PBRM1: variants seen among roughly 807,000 people sequenced by gnomAD.
PBRM1 encodes the protein protein polybromo-1.
PBRM1 carries 27 observed loss-of-function variants against 194.5 expected under a neutral mutation model. The ratio of observed to expected loss-of-function variants is 0.14; its 90% CI spans 0.10 to 0.19. PBRM1 has a LOEUF of 0.19. Ranked by LOEUF, PBRM1 falls within the 10% of genes least tolerant of loss-of-function variation. The pLI, the probability that PBRM1 is intolerant of heterozygous loss-of-function variation, is 1.00. For missense variants in PBRM1, 1,466 were observed against 2,077.2 expected (o/e 0.71, Z 5.72); for synonymous variants, 655 against 693.2 (o/e 0.94, Z 0.87).
chr3:52,662,148 G>A (rs1030702306), exon 4 of PBRM1: 1 of 1,613,984 alleles, frequency 6.2e-7, no homozygotes, highest in African/African-American at 1.3e-5. Flanking sequence ...CAGTCACTGT[G>A]CCCTGATTGT....
intron 6 of PBRM1, among the ~76,000 whole-genome samples, chr3:52,649,791 G>A (rs1577564075): frequency 6.6e-6 from 1 of 152,156 alleles, no homozygotes; most frequent in Non-Finnish European, 1.5e-5. Context: ...TTTTTCATCA[G>A]AGAGGTAAAA....
chr3:52,684,800 T>C (rs553264137), intron 1 of PBRM1: 6 of 152,346 alleles, frequency 3.9e-5, no homozygotes, highest in African/African-American at 1.4e-4. Flanking sequence ...AAGAAAGCGG[T>C]CAAGGCCCTT....
chr3:52,677,204 A>G (rs932139375), intron 2 of PBRM1, among the ~76,000 whole-genome samples: 1 of 152,130 alleles, frequency 6.6e-6, no homozygotes, highest in Non-Finnish European at 1.5e-5. Flanking sequence ...GACAACATAA[A>G]CTTCATGAAA....
At chr3:52,639,472 G>A (rs1205739541) in intron 10 of PBRM1, among the ~76,000 whole-genome samples, 1 of 151,668 alleles carries the variant, frequency 6.6e-6, no homozygotes, top group Non-Finnish European at 1.5e-5. Context: ...CTGGAGTGCA[G>A]TGGTGGGATC....
intron 29 of PBRM1, among the ~76,000 whole-genome samples, chr3:52,549,876 G>A (rs867297551): frequency 7.3e-5 from 11 of 150,928 alleles, no homozygotes; most frequent in Admixed American, 6.6e-5. Flanking sequence ...CTGCACTCCA[G>A]CCTGGGCGAC....
In PBRM1 at chr3:52,651,625, T is replaced by C. The variant is rs570116522; in HGVS notation, c.714+117A>G. On this transcript the variant is annotated intron_variant, in intron 6 of 29. Coordinates refer to ENST00000296302, the Ensembl canonical transcript of PBRM1. The stretch of plus-strand genomic sequence containing the variant: ...ACACTATTTTAATTTATTTACATGA[T>C]TTGCTAATAACCCCTTACAGAGACA... 11 of 482,510 alleles carry C rather than the reference T, an allele frequency of 2.3e-5. No homozygotes were observed. The South Asian group carries it at 6.8e-4, about 30-fold the overall frequency. The allele number at this position is 482,510 out of a possible 1,614,324, so 29.9% of individuals were successfully genotyped here.
chr3:52,588,423 G>C (rs916255904), intron 18 of PBRM1, among the ~76,000 whole-genome samples: 3 of 151,990 alleles, frequency 2.0e-5, no homozygotes, highest in Non-Finnish European at 4.4e-5. Context: ...GTTTTGCAAG[G>C]GAAAATATGA....
chr3:52,582,243 A>C (rs946836828), intron 20 of PBRM1, among the ~76,000 whole-genome samples: 1 of 147,118 alleles, frequency 6.8e-6, no homozygotes, highest in African/African-American at 2.5e-5. Context: ...CTCCGTTTCA[A>C]AAAAAAAAAA....
chr3:52,664,656 C>T (rs2096794821), intron 3 of PBRM1, among the ~76,000 whole-genome samples: 3 of 151,248 alleles, frequency 2.0e-5, no homozygotes. Context: ...ATCGCTTCAA[C>T]CCAGGAGGCA....
intron 16 of PBRM1, among the ~76,000 whole-genome samples, chr3:52,607,075 C>T (rs1229581958): frequency 6.6e-6 from 1 of 152,122 alleles, no homozygotes; most frequent in Non-Finnish European, 1.5e-5. Context: ...GGTATGTAGA[C>T]TTCATTGAAT....
At position 52,561,750 on chromosome 3, in the gene PBRM1, G is replaced by A. The variant is rs766995355; in HGVS notation, c.4288+17C>T. On this transcript the variant is annotated intron_variant, in intron 25 of 29. Coordinates refer to ENST00000296302, the Ensembl canonical transcript of PBRM1. The stretch of plus-strand genomic sequence containing the variant: ...CCCCCTTGCTTCGAAAGACAGTTGT[G>A]CCTAGGCTCTATTTACCTTCATATT... The A allele has an allele frequency of 6.2e-7, 1 of 1,608,096 alleles. No homozygotes were observed. The highest frequency in any genetic ancestry group is 1.3e-5 in the African/African-American group (1 of 74,950).
chr3:52,553,947 C>T (rs752316827), intron 27 of PBRM1, among the ~76,000 whole-genome samples: 2 of 152,140 alleles, frequency 1.3e-5, no homozygotes, highest in Non-Finnish European at 2.9e-5. Context: ...CAGGCATGAG[C>T]CATCGTGCCC....
At chr3:52,647,458 ATATAT>A (rs1266908389) in intron 7 of PBRM1, among the ~76,000 whole-genome samples, 197 of 33,544 alleles carry the variant, frequency 5.9e-3, no homozygotes, top group African/African-American at 0.011. Flanking sequence ...AAAAAAAAAA[ATATAT>A]ATATATATAT....
At chr3:52,564,227 C>G (rs1559900408) in exon 23 of PBRM1, 1 of 1,610,496 alleles carries the variant, frequency 6.2e-7, no homozygotes, top group Non-Finnish European at 8.5e-7. Context: ...CAACACAGCA[C>G]ACTTTCCTGA....
Position 52,609,125 on chromosome 3 carries a change from T to C in PBRM1, c.2567+188A>G, listed in dbSNP as rs144869331. ...GGCCTTAAACTAGATGACTTAGTGG[T>C]GTGCCTTCTCTCCCCCACAGAATAT... On this transcript the variant is annotated intron_variant, in intron 16 of 29. Transcript: ENST00000296302. The surrounding 1 kb of genome is among the most constrained non-coding windows in gnomAD (Gnocchi z 4.1). 4.7e-4 allele frequency: 263 copies of C among 554,502 alleles called. 1 individual carries two copies. The East Asian group carries it at 7.8e-3, about 16-fold the overall frequency. 34.3% of individuals were successfully genotyped at this position (554,502 alleles called of 1,614,324 possible).
intron 1 of PBRM1, among the ~76,000 whole-genome samples, chr3:52,685,178 TTTAAA>T (rs1364075768): frequency 2.0e-5 from 3 of 152,186 alleles, no homozygotes; most frequent in Non-Finnish European, 2.9e-5. Context: ...TTTCTTCCCC[TTTAAA>T]TTAAAACTTA....
rs2097088915 is a variant in PBRM1, at chr3:52,675,853, CG to C, written c.236+2646del. On this transcript the variant is annotated intron_variant, in intron 2 of 29. Transcript: ENST00000296302. ...AGCGGGGGCCGGGCGCGGTGGCTCA[CG>C]CCTGTAATCCCAGCACTTTGGGAGG... Among the ~76,000 whole-genome samples the C allele has an allele frequency of 6.6e-5, 3 of 45,740 alleles. 1 individual carries two copies. Among genetic ancestry groups the C allele is most frequent in the Admixed American group, 5.6e-4 (2 of 3,596 alleles). 30.0% of individuals were successfully genotyped at this position (45,740 alleles called of 152,430 possible).
At chr3:52,548,024 C>T (rs756420051) in exon 30 of PBRM1, 2 of 1,559,890 alleles carry the variant, frequency 1.3e-6, no homozygotes, top group East Asian at 4.7e-5. Context: ...TGATCCACAA[C>T]TCTTTATGCT....
rs199944513 is a variant in PBRM1 at position 52,550,618 on chromosome 3, G to A, written c.4700C>T (p.Pro1567Leu). 1.8e-5 allele frequency: 27 copies of A among 1,526,970 alleles called. No individual in the cohort carries two copies. In the East Asian group the frequency reaches 5.8e-4, roughly 33 times the overall value. The allele number at this position is 1,526,970 out of a possible 1,614,324, so 94.6% of individuals were successfully genotyped here. A position where few individuals can be genotyped will look rare whatever the true frequency, so the allele number is the denominator to read the frequency against. ...ATATGGAGGTGGTGCCTGCTGCCCT[G>A]GAGGCCCCAAAACTCCCACCTGAAA... is the stretch of plus-strand genomic sequence containing the variant. Residue 1567 changes from proline to leucine, a missense_variant, in exon 29 of 30, where the codon CCA becomes CTA. Coordinates refer to ENST00000296302, the Ensembl canonical transcript of PBRM1.
Sources: allele counts gnomAD v4.1 joint callset (sites outside exome capture counted in the v4.1 genomes callset), GRCh38; gene constraint gnomAD v4.1.1; non-coding constraint Gnocchi (gnomAD v3.1); transcripts MANE v1.5; gene names NCBI Gene and HGNC (gene_info 2026-07-23, HGNC 2026-07-21).